Variants in GRIP1 observed in about 807,000 individuals in gnomAD.
GRIP1 encodes the protein glutamate receptor-interacting protein 1.
Under a neutral mutation model 129.9 loss-of-function variants are expected in GRIP1, and 45 were observed. The ratio of observed to expected loss-of-function variants is 0.35; its 90% CI spans 0.27 to 0.44. GRIP1 has a LOEUF of 0.44. GRIP1 is among the 20% of genes least tolerant of loss of function. GRIP1 has a pLI of 1.00. For missense variants in GRIP1, 1,196 were observed against 1,396.8 expected, an observed-to-expected ratio of 0.86 and a Z score of 2.29; for synonymous variants, 530 against 520.8, an observed-to-expected ratio of 1.02 and a Z score of -0.24.
rs55916974 is a variant in GRIP1, at chr12:66,920,795, G to C, written c.58+148255C>G. ...GACCACTGCTGCCCTACTAAGACTTGTACTTATTTTGAGTGTAATACTCTC... is the reference window on the plus strand; with the variant it reads ...GACCACTGCTGCCCTACTAAGACTTCTACTTATTTTGAGTGTAATACTCTC... On this transcript the variant is annotated intron_variant, in intron 1 of 1. Coordinates refer to the GRIP1 transcript ENST00000643019. Among the ~76,000 whole-genome samples the C allele has an allele frequency of 2.4e-3, 361 of 152,274 alleles. 2 individuals carry two copies. Among genetic ancestry groups the C allele is most frequent in the African/African-American group, 8.0e-3 (333 of 41,548 alleles).
rs368444108 is a variant in GRIP1, at chr12:66,718,484, G to C, written c.-420+85569C>G. 1.1e-4 allele frequency among the ~76,000 whole-genome samples: 17 copies of C among 152,274 alleles called. No individual in the cohort carries two copies. The South Asian group carries it at 1.2e-3, about 11-fold the overall frequency. ...GTTCTCAGAACATAGGTATTTCCATGATCAATTAAGTTTGAGAAGCAGTTG... is the reference window on the plus strand; with the variant it reads ...GTTCTCAGAACATAGGTATTTCCATCATCAATTAAGTTTGAGAAGCAGTTG... On this transcript the variant is annotated intron_variant, in intron 1 of 4. Coordinates refer to the GRIP1 transcript ENST00000538373.
At chr12:66,932,729 C>T (rs1247130624) in intron 1 of GRIP1, among the ~76,000 whole-genome samples, 1 of 152,106 alleles carries the variant, frequency 6.6e-6, no homozygotes, top group Non-Finnish European at 1.5e-5. Flanking sequence ...AGTGCAGTGG[C>T]ATGATCTCGG....
chr12:66,495,322 C>G (rs748919233), intron 7 of GRIP1, among the ~76,000 whole-genome samples: 8 of 152,124 alleles, frequency 5.3e-5, no homozygotes, highest in Non-Finnish European at 1.2e-4. Context: ...GAAGGGCGAG[C>G]AGGAGGGAGC....
intron 1 of GRIP1, among the ~76,000 whole-genome samples, chr12:66,964,385 G>A (rs1250813805): frequency 1.3e-5 from 2 of 152,032 alleles, no homozygotes; most frequent in Non-Finnish European, 2.9e-5. Context: ...ATGTGTGGGT[G>A]TGCATATGAA....
At chr12:66,645,681 A>C (rs562092655) in intron 1 of GRIP1, among the ~76,000 whole-genome samples, 126 of 152,348 alleles carry the variant, frequency 8.3e-4, no homozygotes, top group African/African-American at 2.9e-3. Context: ...AGAATCTTAT[A>C]AAAAGATTCA....
At chr12:66,777,909 C>T (rs564138658) in intron 1 of GRIP1, among the ~76,000 whole-genome samples, 2 of 152,080 alleles carry the variant, frequency 1.3e-5, no homozygotes, top group Admixed American at 1.3e-4. Flanking sequence ...TTTCTCCCTC[C>T]TTCCCTCCCT....
chr12:66,615,635 T>A (rs1354621733), intron 1 of GRIP1, among the ~76,000 whole-genome samples: 4 of 152,308 alleles, frequency 2.6e-5, no homozygotes, highest in South Asian at 2.1e-4. Context: ...GGCAAACTTT[T>A]AAAAAAATTT....
At chr12:66,979,252 A>AAAAAAAAAAAAAAAAAACAAC (rs772753895) in intron 1 of GRIP1, among the ~76,000 whole-genome samples, 2 of 110,162 alleles carry the variant, frequency 1.8e-5, no homozygotes, top group Admixed American at 2.4e-4. Context: ...AAAAAAAAAA[A>AAAAAAAAAAAAAAAAAACAAC]AACAAGCCCG....
intron 1 of GRIP1, among the ~76,000 whole-genome samples, chr12:66,864,610 T>C (rs2040170344): frequency 6.6e-6 from 1 of 151,662 alleles, no homozygotes; most frequent in Admixed American, 6.6e-5. Flanking sequence ...CCCAGACACT[T>C]GGGAGGCTGA....
intron 1 of GRIP1, among the ~76,000 whole-genome samples, chr12:67,051,116 G>GT (rs777958674): frequency 3.9e-5 from 6 of 152,282 alleles, no homozygotes; most frequent in South Asian, 4.1e-4. Flanking sequence ...TGGGCAAGAA[G>GT]TAAATGTCAG....
At chr12:66,938,683 G>A (rs1335985960) in intron 1 of GRIP1, among the ~76,000 whole-genome samples, 3 of 152,102 alleles carry the variant, frequency 2.0e-5, no homozygotes, top group Non-Finnish European at 4.4e-5. Flanking sequence ...TTCAGGCCAG[G>A]CATAGTGGCT....
At chr12:66,687,680 G>A (rs533435515) in intron 1 of GRIP1, among the ~76,000 whole-genome samples, 1 of 152,220 alleles carries the variant, frequency 6.6e-6, no homozygotes, top group African/African-American at 2.4e-5. Context: ...CACATGAATT[G>A]CTCATGCTTA....
intron 1 of GRIP1, among the ~76,000 whole-genome samples, chr12:66,705,856 C>T (rs912494388): frequency 7.9e-5 from 12 of 151,968 alleles, no homozygotes; most frequent in Admixed American, 4.6e-4. Context: ...TAGCCATATG[C>T]GGAAAACTGA....
At chr12:66,879,543 A>C (rs2040438943) in intron 1 of GRIP1, among the ~76,000 whole-genome samples, 2 of 152,110 alleles carry the variant, frequency 1.3e-5, no homozygotes, top group African/African-American at 4.8e-5. Context: ...CCATATGTGA[A>C]GCCACTCTCC....
intron 1 of GRIP1, among the ~76,000 whole-genome samples, chr12:66,736,552 AG>A (rs1441610382): frequency 6.6e-6 from 1 of 151,796 alleles, no homozygotes; most frequent in Non-Finnish European, 1.5e-5. Flanking sequence ...GGTCATCATA[AG>A]GGTCTTCATC....
chr12:66,492,354 T>G (rs985020495), intron 7 of GRIP1, among the ~76,000 whole-genome samples: 4 of 152,144 alleles, frequency 2.6e-5, no homozygotes, highest in Non-Finnish European at 4.4e-5. Context: ...AACATAAAAT[T>G]AAAAACCAAA....
chr12:66,923,045 T>G (rs2041238765), intron 1 of GRIP1, among the ~76,000 whole-genome samples: 1 of 152,214 alleles, frequency 6.6e-6, no homozygotes, highest in Non-Finnish European at 1.5e-5. Context: ...ATACAAGCCC[T>G]TCGCTACCTA....
intron 1 of GRIP1, among the ~76,000 whole-genome samples, chr12:66,732,261 C>A (rs1446923937): frequency 6.6e-6 from 1 of 152,124 alleles, no homozygotes; most frequent in African/African-American, 2.4e-5. Context: ...AGCATAAAGA[C>A]CTTTCTAGGC....
At chr12:66,566,222 G>T (rs1008916879) in intron 2 of GRIP1, among the ~76,000 whole-genome samples, 26 of 152,134 alleles carry the variant, frequency 1.7e-4, no homozygotes, top group Non-Finnish European at 3.5e-4. Flanking sequence ...GAATGCTTCA[G>T]TTTTTGCCCA....
Sources: allele counts gnomAD v4.1 joint callset (sites outside exome capture counted in the v4.1 genomes callset), GRCh38; gene constraint gnomAD v4.1.1; transcripts MANE v1.5; gene names NCBI Gene and HGNC (gene_info 2026-07-23, HGNC 2026-07-21).